KIAA1328: variants seen among roughly 807,000 people sequenced by gnomAD.
The protein encoded by KIAA1328 is protein hinderin.
KIAA1328 carries 52 observed loss-of-function variants against 68.1 expected under a neutral mutation model. The ratio of observed to expected loss-of-function variants is 0.76; its 90% confidence interval spans 0.61 to 0.96. The LOEUF (loss-of-function observed/expected upper bound fraction) is 0.96. Among genes scored for constraint, KIAA1328 ranks in the 40% least tolerant of loss-of-function variants. The probability of loss-of-function intolerance (pLI) is 0.00; values close to 1 mark genes in which losing one functional copy is unlikely to be tolerated. For missense variants in KIAA1328, 641 were observed against 677.6 expected (o/e 0.95, Z 0.60); for synonymous variants, 232 against 239.4 (o/e 0.97, Z 0.28).
chr18:36,829,946 T>A (rs1000128607), intron 1 of KIAA1328, among the ~76,000 whole-genome samples: 1 of 152,206 alleles, frequency 6.6e-6, no homozygotes, highest in African/African-American at 2.4e-5. Context: ...GGAGTGTTTC[T>A]TTCCTTGGAG....
At chr18:36,845,307 T>A (rs1163672404) in intron 4 of KIAA1328, among the ~76,000 whole-genome samples, 2 of 151,770 alleles carry the variant, frequency 1.3e-5, no homozygotes, top group Non-Finnish European at 3.0e-5. Context: ...GTTCTTTTAT[T>A]GGGAAAACAT....
intron 7 of KIAA1328, among the ~76,000 whole-genome samples, chr18:37,080,206 G>A (rs2056903243): frequency 6.6e-6 from 1 of 152,140 alleles, no homozygotes. Context: ...CCAGAACCCA[G>A]ATCTCTTTAT....
chr18:36,878,587 G>A (rs980678403), intron 4 of KIAA1328, among the ~76,000 whole-genome samples: 2 of 152,074 alleles, frequency 1.3e-5, no homozygotes, highest in Admixed American at 1.3e-4. Context: ...AAGTTCTCCT[G>A]GATAATATCC....
chr18:36,946,641 T>G (rs2050913195), intron 5 of KIAA1328: 1 of 152,244 alleles, frequency 6.6e-6, no homozygotes, highest in African/African-American at 2.4e-5. Flanking sequence ...TGCTGCAGAT[T>G]TATTTGTAAA....
At chr18:36,896,590 A>C (rs937186048) in intron 5 of KIAA1328, among the ~76,000 whole-genome samples, 7 of 152,202 alleles carry the variant, frequency 4.6e-5, no homozygotes, top group Non-Finnish European at 1.0e-4. Flanking sequence ...AAATTCAAAA[A>C]ACATTTATTT....
chr18:37,212,927 C>T (rs1349769116), intron 9 of KIAA1328, among the ~76,000 whole-genome samples: 3 of 152,054 alleles, frequency 2.0e-5, no homozygotes, highest in African/African-American at 7.2e-5. Context: ...CCATGTTGGC[C>T]AGGATGGTCT....
chr18:37,064,197 C>A (rs1446272302), intron 6 of KIAA1328, among the ~76,000 whole-genome samples: 1 of 152,078 alleles, frequency 6.6e-6, no homozygotes, highest in Admixed American at 6.6e-5. Flanking sequence ...TGCCTGTGTT[C>A]TTTGAAGAAG....
chr18:37,017,451 A>G (rs1233491428), intron 6 of KIAA1328, among the ~76,000 whole-genome samples: 1 of 152,104 alleles, frequency 6.6e-6, no homozygotes, highest in East Asian at 1.9e-4. Context: ...TTGATGGGTC[A>G]TGTACTCTAT....
chr18:36,879,923 T>G (rs978218170), intron 4 of KIAA1328, among the ~76,000 whole-genome samples: 1 of 152,200 alleles, frequency 6.6e-6, no homozygotes, highest in Non-Finnish European at 1.5e-5. Context: ...AGTGCTGTGC[T>G]GGCAGCGAGA....
At chr18:37,077,243 A>T (rs969407392) in intron 7 of KIAA1328, among the ~76,000 whole-genome samples, 1 of 137,472 alleles carries the variant, frequency 7.3e-6, no homozygotes, top group African/African-American at 3.4e-5. Flanking sequence ...CTGCACGATT[A>T]TCTCAATAGA....
intron 5 of KIAA1328, among the ~76,000 whole-genome samples, chr18:36,958,309 C>T (rs2051507542): frequency 6.6e-6 from 1 of 151,936 alleles, no homozygotes; most frequent in Non-Finnish European, 1.5e-5. Context: ...GTTTTCTTTG[C>T]TTATATATTT....
At chr18:37,150,570 T>C (rs1379900324) in intron 7 of KIAA1328, among the ~76,000 whole-genome samples, 1 of 147,712 alleles carries the variant, frequency 6.8e-6, no homozygotes, top group Non-Finnish European at 1.5e-5. Context: ...TGGACACAAA[T>C]GCAGAAAAAA....
intron 7 of KIAA1328, among the ~76,000 whole-genome samples, chr18:37,105,717 G>C (rs2057751555): frequency 6.6e-6 from 1 of 151,256 alleles, no homozygotes; most frequent in Non-Finnish European, 1.5e-5. Context: ...CTTGAGGTCA[G>C]GAGTTTGAGG....
chr18:37,096,492 A>G (rs1326015549), intron 7 of KIAA1328, among the ~76,000 whole-genome samples: 12 of 152,114 alleles, frequency 7.9e-5, no homozygotes, highest in East Asian at 1.9e-4. Flanking sequence ...GGACATTTGG[A>G]TTGGTTCCAA....
chr18:37,073,829 T>C (rs1235881236), intron 7 of KIAA1328, among the ~76,000 whole-genome samples: 1 of 152,234 alleles, frequency 6.6e-6, no homozygotes, highest in African/African-American at 2.4e-5. Context: ...GCTTTACTAT[T>C]CTTATCTGAT....
At chr18:36,869,560 C>T (rs750054733) in intron 4 of KIAA1328, among the ~76,000 whole-genome samples, 1 of 152,180 alleles carries the variant, frequency 6.6e-6, no homozygotes, top group Non-Finnish European at 1.5e-5. Context: ...AAGGCTACCA[C>T]TACAGGTACA....
At chr18:36,954,687 C>CTTTTTTT (rs35883053) in intron 5 of KIAA1328, among the ~76,000 whole-genome samples, 4 of 121,074 alleles carry the variant, frequency 3.3e-5, no homozygotes, top group African/African-American at 2.9e-5. Context: ...AAAGACTTCA[C>CTTTTTTT]TTTTTTTTTT....
chr18:37,152,475 A>G (rs1194324334), intron 7 of KIAA1328, among the ~76,000 whole-genome samples: 1 of 152,040 alleles, frequency 6.6e-6, no homozygotes, highest in Non-Finnish European at 1.5e-5. Flanking sequence ...TTGTCTCTGT[A>G]AGTTTGTGTT....
intron 7 of KIAA1328, among the ~76,000 whole-genome samples, chr18:37,103,554 A>G (rs564616505): frequency 5.9e-5 from 9 of 152,328 alleles, no homozygotes; most frequent in Non-Finnish European, 1.0e-4. Flanking sequence ...ACAAGTGCTA[A>G]AAGAAAACAT....
Sources: allele counts gnomAD v4.1 joint callset (sites outside exome capture counted in the v4.1 genomes callset), GRCh38; gene constraint gnomAD v4.1.1; transcripts MANE v1.5; gene names NCBI Gene and HGNC (gene_info 2026-07-23, HGNC 2026-07-21).